KCNK10: variants seen among roughly 807,000 people sequenced by gnomAD.
The protein encoded by KCNK10 is potassium channel subfamily K member 10.
KCNK10 carries 25 observed loss-of-function variants against 47.7 expected under a neutral mutation model. The ratio of observed to expected loss-of-function variants is 0.52; its 90% CI spans 0.38 to 0.73. The LOEUF is 0.73. Ranked by LOEUF, KCNK10 falls within the 30% of genes least tolerant of loss-of-function variation. KCNK10 has a pLI of 0.00. For synonymous variants in KCNK10, 303 were observed against 285.6 expected (o/e 1.06, Z -0.61); for missense variants, 563 against 714.5 (o/e 0.79, Z 2.42).
rs149225669 is a variant in KCNK10 at position 88,181,108 on chromosome 14, T to C, written c.*4427A>G. On this transcript the variant is annotated 3_prime_UTR_variant, in exon 7 of 7. Transcript: ENST00000319231. Reference sequence around the variant, plus strand: ...TCTCGTTTTACAGGGGCTCTGAATGTTTGTTTTCCTACGCCTTTCCCGTGG... The same window carrying C: ...TCTCGTTTTACAGGGGCTCTGAATGCTTGTTTTCCTACGCCTTTCCCGTGG... The C allele has an allele frequency of 1.9e-4, 61 of 325,132 alleles. No homozygotes were observed. In the East Asian group the frequency reaches 2.8e-3, roughly 15 times the overall value. The allele number at this position is 325,132 out of a possible 1,614,324, so 20.1% of individuals were successfully genotyped here. A position where few individuals can be genotyped will look rare whatever the true frequency, so the allele number is the denominator to read the frequency against.
intron 1 of KCNK10, among the ~76,000 whole-genome samples, chr14:88,274,518 T>C (rs927471235): frequency 4.4e-5 from 5 of 112,402 alleles, no homozygotes; most frequent in African/African-American, 1.7e-4. Flanking sequence ...ACCACTGCAC[T>C]TTAGCCTGGG....
At chr14:88,209,829 T>C (rs1885397834) in intron 4 of KCNK10, among the ~76,000 whole-genome samples, 1 of 152,114 alleles carries the variant, frequency 6.6e-6, no homozygotes, top group African/African-American at 2.4e-5. Flanking sequence ...CTCTAATCAA[T>C]TCACAATCAA....
At chr14:88,238,504 C>T (rs923479467) in intron 3 of KCNK10, among the ~76,000 whole-genome samples, 1 of 152,048 alleles carries the variant, frequency 6.6e-6, no homozygotes, top group Non-Finnish European at 1.5e-5. Flanking sequence ...AACCCCATCT[C>T]TAGAAAAAAA....
intron 2 of KCNK10, 45 bp from the exon 3 acceptor site, chr14:88,240,865 T>A (rs776371850): frequency 2.4e-6 from 3 of 1,258,458 alleles, no homozygotes; most frequent in East Asian, 4.7e-5. Flanking sequence ...TAAAAGTTGT[T>A]TATTTTTTTT....
intron 1 of KCNK10, among the ~76,000 whole-genome samples, chr14:88,282,323 C>T (rs1413143524): frequency 6.6e-6 from 1 of 152,232 alleles, no homozygotes; most frequent in Non-Finnish European, 1.5e-5. Flanking sequence ...TCTATCAAGA[C>T]ATCCTGCCAC....
At chr14:88,241,031 G>A (rs555569919) in intron 2 of KCNK10, among the ~76,000 whole-genome samples, 249 of 152,280 alleles carry the variant, frequency 1.6e-3, no homozygotes, top group Non-Finnish European at 2.8e-3. Flanking sequence ...TAAATAGGGG[G>A]GAAACGCTAG....
intron 5 of KCNK10, among the ~76,000 whole-genome samples, chr14:88,190,954 A>G (rs956285459): frequency 6.6e-6 from 1 of 152,180 alleles, no homozygotes; most frequent in African/African-American, 2.4e-5. Context: ...CACGCCAAAC[A>G]AGAACAGTCT....
At chr14:88,237,005 T>C (rs1886319475) in intron 3 of KCNK10, among the ~76,000 whole-genome samples, 1 of 152,228 alleles carries the variant, frequency 6.6e-6, no homozygotes. Context: ...ACAATTTCTC[T>C]GTAACATGCA....
chr14:88,192,455 C>T (rs752220493), intron 4 of KCNK10, 45 bp from the exon 5 acceptor site: 1 of 1,545,076 alleles, frequency 6.5e-7, no homozygotes, highest in Admixed American at 1.7e-5. Context: ...GCGGCATCAC[C>T]CTGGATTCAG....
At chr14:88,294,984 G>T (rs1404440985) in intron 1 of KCNK10, among the ~76,000 whole-genome samples, 1 of 152,076 alleles carries the variant, frequency 6.6e-6, no homozygotes, top group Non-Finnish European at 1.5e-5. Context: ...TCATCTATTT[G>T]TTCTTATACT....
At chr14:88,232,930 A>C (rs1397742630) in intron 3 of KCNK10, among the ~76,000 whole-genome samples, 1 of 152,182 alleles carries the variant, frequency 6.6e-6, no homozygotes, top group Non-Finnish European at 1.5e-5. Flanking sequence ...ACATGAACAA[A>C]TAGGATGGCT....
chr14:88,194,567 C>T (rs911147325), intron 4 of KCNK10, among the ~76,000 whole-genome samples: 8 of 152,028 alleles, frequency 5.3e-5, no homozygotes, highest in African/African-American at 1.9e-4. Flanking sequence ...TTGAGGTTGG[C>T]AAAAGAGGAC....
chr14:88,247,609 G>A (rs933657272), intron 2 of KCNK10, among the ~76,000 whole-genome samples: 2 of 152,194 alleles, frequency 1.3e-5, no homozygotes, highest in Non-Finnish European at 2.9e-5. Context: ...AAGGCCACTG[G>A]CAGAAAGGAC....
chr14:88,201,700 T>C (rs570223690), intron 4 of KCNK10, among the ~76,000 whole-genome samples: 1 of 152,328 alleles, frequency 6.6e-6, no homozygotes, highest in East Asian at 1.9e-4. Flanking sequence ...CTGAAGCCTA[T>C]TTTGATTGCT....
intron 4 of KCNK10, among the ~76,000 whole-genome samples, chr14:88,207,688 T>C (rs1885325646): frequency 6.6e-6 from 1 of 152,216 alleles, no homozygotes; most frequent in Non-Finnish European, 1.5e-5. Context: ...TCATCAAGTA[T>C]GGATTAAGTG....
intron 1 of KCNK10, among the ~76,000 whole-genome samples, chr14:88,300,109 C>T (rs565080109): frequency 9.9e-5 from 15 of 152,250 alleles, no homozygotes; most frequent in East Asian, 1.9e-4. Flanking sequence ...TTCTCTTTGC[C>T]GATTCCCCTC....
At chr14:88,268,020 G>C (rs1165664729) in intron 1 of KCNK10, among the ~76,000 whole-genome samples, 1 of 152,164 alleles carries the variant, frequency 6.6e-6, no homozygotes, top group Non-Finnish European at 1.5e-5. Context: ...GGGATTAAAT[G>C]TGCATGGATT....
At chr14:88,296,405 T>G (rs1403608180) in intron 1 of KCNK10, among the ~76,000 whole-genome samples, 1 of 152,368 alleles carries the variant, frequency 6.6e-6, no homozygotes, top group African/African-American at 2.4e-5. Context: ...TTAAAAATAG[T>G]GTTTCTGAAG....
chr14:88,290,857 C>T (rs1887860029), intron 1 of KCNK10, among the ~76,000 whole-genome samples: 1 of 152,142 alleles, frequency 6.6e-6, no homozygotes, highest in South Asian at 2.1e-4. Context: ...AAGACCTTTT[C>T]ATTCACAAAA....
Sources: allele counts gnomAD v4.1 joint callset (sites outside exome capture counted in the v4.1 genomes callset), GRCh38; gene constraint gnomAD v4.1.1; transcripts MANE v1.5; gene names NCBI Gene and HGNC (gene_info 2026-07-23, HGNC 2026-07-21).